Variants in PREX2 observed in about 807,000 individuals in gnomAD.
PREX2 encodes the protein phosphatidylinositol-3,4,5-trisphosphate dependent Rac exchange factor 2, also known as phosphatidylinositol 3,4,5-trisphosphate-dependent Rac exchanger 2 protein.
In PREX2, 107 loss-of-function variants were observed where a neutral mutation model predicts 203.2. That is an observed-to-expected ratio of 0.53 (90% CI 0.45 to 0.62). The LOEUF is 0.62. Among genes scored for constraint, PREX2 ranks in the 20% least tolerant of loss-of-function variants. PREX2 has a pLI of 0.00. For synonymous variants in PREX2, 672 were observed against 663.6 expected (o/e 1.01, Z -0.19); for missense variants, 1,777 against 1,955.9 (o/e 0.91, Z 1.72).
At chr8:68,185,552 TC>T (rs1812172506) in intron 35 of PREX2, among the ~76,000 whole-genome samples, 1 of 152,264 alleles carries the variant, frequency 6.6e-6, no homozygotes, top group African/African-American at 2.4e-5. Context: ...ACCTATCACT[TC>T]CCTGTCTTGC....
intron 4 of PREX2, 105 bp downstream of exon 4, chr8:68,022,245 G>C: frequency 1.6e-6 from 1 of 644,864 alleles, no homozygotes; most frequent in Non-Finnish European, 2.8e-6. Context: ...GGATACCTCT[G>C]TTAGCATCCC....
At chr8:68,017,186 G>A (rs556901493) in intron 1 of PREX2, among the ~76,000 whole-genome samples, 14 of 152,188 alleles carry the variant, frequency 9.2e-5, no homozygotes, top group African/African-American at 3.1e-4. Flanking sequence ...CCACTGAGAA[G>A]AGTCCAAATC....
chr8:67,960,172 G>A (rs11784559), intron 1 of PREX2, among the ~76,000 whole-genome samples: 20,767 of 152,016 alleles, frequency 0.14, 1,892 homozygotes, highest in African/African-American at 0.26. Flanking sequence ...CTCCTGAGTA[G>A]CTGGGACTAC....
intron 1 of PREX2, among the ~76,000 whole-genome samples, chr8:67,954,909 G>A (rs990369242): frequency 1.3e-5 from 2 of 152,028 alleles, no homozygotes; most frequent in African/African-American, 2.4e-5. Flanking sequence ...TTTGGGGGCC[G>A]AGGCGGGTGG....
At chr8:67,991,957 C>T (rs940412350) in intron 1 of PREX2, among the ~76,000 whole-genome samples, 1 of 152,206 alleles carries the variant, frequency 6.6e-6, no homozygotes, top group African/African-American at 2.4e-5. Flanking sequence ...ACCTTCATTA[C>T]AAATTATACT....
At chr8:68,079,724 G>C (rs1308956407) in intron 15 of PREX2, among the ~76,000 whole-genome samples, 1 of 152,042 alleles carries the variant, frequency 6.6e-6, no homozygotes, top group Non-Finnish European at 1.5e-5. Flanking sequence ...TCAGTATTTA[G>C]CCTTATTTTT....
intron 1 of PREX2, among the ~76,000 whole-genome samples, chr8:68,007,447 A>C (rs1049226964): frequency 6.6e-6 from 1 of 152,220 alleles, no homozygotes; most frequent in African/African-American, 2.4e-5. Flanking sequence ...ATAGCTTGCT[A>C]TGTGGGTGAT....
intron 31 of PREX2, among the ~76,000 whole-genome samples, chr8:68,132,360 C>G (rs1811025156): frequency 6.6e-6 from 1 of 151,478 alleles, no homozygotes; most frequent in Non-Finnish European, 1.5e-5. Flanking sequence ...GCATGGGGCA[C>G]ATGTTGTTGG....
intron 34 of PREX2, among the ~76,000 whole-genome samples, chr8:68,147,847 G>C (rs574835134): frequency 2.0e-5 from 3 of 151,652 alleles, no homozygotes; most frequent in Non-Finnish European, 2.9e-5. Context: ...TTATAGACAG[G>C]GTCAGTGTAG....
At chr8:68,014,830 G>A (rs1807368092) in intron 1 of PREX2, among the ~76,000 whole-genome samples, 1 of 152,230 alleles carries the variant, frequency 6.6e-6, no homozygotes, top group Non-Finnish European at 1.5e-5. Flanking sequence ...CATCAGAATC[G>A]CATAGAGGTC....
At chr8:68,114,087 C>G (rs1031844573) in intron 25 of PREX2, among the ~76,000 whole-genome samples, 5 of 152,114 alleles carry the variant, frequency 3.3e-5, no homozygotes, top group African/African-American at 9.7e-5. Context: ...GTCTCGAACT[C>G]CTGACCTCAC....
Position 68,115,926 on chromosome 8 carries a change from C to G in PREX2, c.3320C>G (p.Ser1107Cys), listed in dbSNP as rs758358644. The G allele has an allele frequency of 2.6e-5, 42 of 1,597,296 alleles. No individual in the cohort carries two copies. The highest frequency in any genetic ancestry group is 3.4e-5 in the Non-Finnish European group (40 of 1,172,386). Reference sequence around the variant, plus strand: ...CATGACACCATCAGCAACAGAGACTCTTACAGGTAATTCACTAATTCCTCA... The same window carrying G: ...CATGACACCATCAGCAACAGAGACTGTTACAGGTAATTCACTAATTCCTCA... ...SGHDTISNRD[S>C]YSDCNSNRNS... Residue 1107 changes from serine to cysteine, a missense_variant, in exon 26 of 40, where the codon TCT becomes TGT. By Grantham distance (112) the Ser-to-Cys change is moderately radical (BLOSUM62 -1). Coordinates refer to ENST00000288368, the MANE Select transcript of PREX2 (RefSeq NM_024870.4).
intron 23 of PREX2, among the ~76,000 whole-genome samples, chr8:68,104,217 C>G (rs1810345772): frequency 6.6e-6 from 1 of 152,184 alleles, no homozygotes; most frequent in Admixed American, 6.5e-5. Context: ...CCACTGCCAT[C>G]TCTCCTGTAA....
intron 11 of PREX2, among the ~76,000 whole-genome samples, chr8:68,062,677 T>C (rs974905532): frequency 1.3e-5 from 2 of 152,212 alleles, no homozygotes; most frequent in Admixed American, 1.3e-4. Context: ...TTTGTATTCA[T>C]TACTCATGTC....
At chr8:68,032,874 T>C (rs1807925490) in intron 6 of PREX2, among the ~76,000 whole-genome samples, 1 of 152,122 alleles carries the variant, frequency 6.6e-6, no homozygotes, top group Admixed American at 6.5e-5. Context: ...GTTAGGAGTC[T>C]TGGGCTTATG....
chr8:67,953,602 T>C lies in PREX2; in HGVS notation c.141+1067T>C, dbSNP rs991044337. Among the ~76,000 whole-genome samples the C allele has an allele frequency of 2.0e-5, 3 of 152,102 alleles. 1 individual carries two copies. Among genetic ancestry groups the C allele is most frequent in the African/African-American group, 7.2e-5 (3 of 41,410 alleles). ...AAAATATTTCAGGTGCCAAACTTCC[T>C]GCTTAGTGTTCTGAAATCTGTCAAC... On this transcript the variant is annotated intron_variant, in intron 1 of 39. Coordinates refer to ENST00000288368, the MANE Select transcript of PREX2 (RefSeq NM_024870.4).
At chr8:68,085,192 A>G (rs1261400404) in intron 18 of PREX2, among the ~76,000 whole-genome samples, 1 of 152,216 alleles carries the variant, frequency 6.6e-6, no homozygotes, top group Non-Finnish European at 1.5e-5. Flanking sequence ...CTAGGTTTGT[A>G]AAGAACTTAG....
chr8:68,098,974 A>ATATATATATC (rs1810178979), intron 22 of PREX2, among the ~76,000 whole-genome samples: 2 of 131,676 alleles, frequency 1.5e-5, no homozygotes, highest in South Asian at 2.5e-4. Context: ...ATATATATAT[A>ATATATATATC]TATCTCACAT....
intron 1 of PREX2, among the ~76,000 whole-genome samples, chr8:68,004,743 G>C (rs980068966): frequency 1.3e-5 from 2 of 152,162 alleles, no homozygotes; most frequent in African/African-American, 2.4e-5. Context: ...ATTTGACATT[G>C]AGAGGTTTTC....
Sources: gnomAD v4.1 joint callset for allele counts (sites outside exome capture counted in the v4.1 genomes callset) on GRCh38, gnomAD v4.1.1 for gene constraint, MANE v1.5 for transcripts, NCBI Gene and HGNC (gene_info 2026-07-23, HGNC 2026-07-21) for gene names.